VDAC1: variants seen among roughly 807,000 people sequenced by gnomAD.
VDAC1 encodes the protein non-selective voltage-gated ion channel VDAC1.
A neutral mutation model predicts 34.7 loss-of-function variants in VDAC1; 10 were observed. The ratio of observed to expected loss-of-function variants is 0.29; its 90% CI spans 0.18 to 0.49. The LOEUF (loss-of-function observed/expected upper bound fraction) is 0.49. Among genes scored for constraint, VDAC1 ranks in the 20% least tolerant of loss-of-function variants. The pLI, the probability that VDAC1 is intolerant of heterozygous loss-of-function variation, is 0.99. For missense variants in VDAC1, 230 were observed against 347.9 expected, an observed-to-expected ratio of 0.66 and a Z score of 2.69; for synonymous variants, 130 against 136.0, an observed-to-expected ratio of 0.96 and a Z score of 0.30.
intron 1 of VDAC1, among the ~76,000 whole-genome samples, chr5:133,995,701 G>T (rs1017738615): frequency 1.3e-5 from 2 of 152,116 alleles, no homozygotes; most frequent in Admixed American, 6.5e-5. Flanking sequence ...CAGCTCTGCC[G>T]CTCCGAGAAG....
intron 5 of VDAC1, among the ~76,000 whole-genome samples, chr5:133,982,779 A>G (rs34754823): frequency 0.087 from 13,066 of 150,018 alleles, 789 homozygotes; most frequent in South Asian, 0.21. Flanking sequence ...AATCTCATCT[A>G]CTTGGGAGGC....
chr5:133,994,414 C>T (rs1753217008), intron 1 of VDAC1, among the ~76,000 whole-genome samples: 1 of 152,306 alleles, frequency 6.6e-6, no homozygotes, highest in Middle Eastern at 3.4e-3. Flanking sequence ...ATTTTTGTCG[C>T]TGCTGTGTTA....
chr5:134,046,318 A>G, the VDAC1 span, among the ~76,000 whole-genome samples: 1 of 151,996 alleles, frequency 6.6e-6, no homozygotes, highest in Admixed American at 6.6e-5. Context: ...ATGAGCCACC[A>G]TGCCCAGCCT....
chr5:134,058,605 G>A, the VDAC1 span, among the ~76,000 whole-genome samples: 1 of 152,064 alleles, frequency 6.6e-6, no homozygotes, highest in African/African-American at 2.4e-5. Context: ...GTGAGCCACC[G>A]CACCCGGCCC....
chr5:133,980,790 C>T lies in VDAC1; in HGVS notation c.490G>A (p.Val164Met), dbSNP rs1420712597. Residue 164 changes from valine (V) to methionine (M), a missense_variant, in exon 6 of 9, where the codon GTG becomes ATG. By Grantham distance (21) the Val-to-Met change is conservative. Transcript: ENST00000265333. Reference protein sequence around the residue: ...QMNFETAKSRVTQSNFAVGYK... With the variant: ...QMNFETAKSRMTQSNFAVGYK... Reference sequence around the variant, plus strand: ...CCAACTGCAAAGTTGCTCTGGGTCACTCGGGATTTTGCAGTCTCAAAATTC... The same window carrying T: ...CCAACTGCAAAGTTGCTCTGGGTCATTCGGGATTTTGCAGTCTCAAAATTC... 6.3e-7 allele frequency: 1 copy of T among 1,589,276 alleles called. No homozygotes were observed.
chr5:134,014,699 C>G, the VDAC1 span, among the ~76,000 whole-genome samples: 2 of 152,094 alleles, frequency 1.3e-5, no homozygotes, highest in Non-Finnish European at 2.9e-5. Flanking sequence ...AACCCCGTCT[C>G]TACTAAAAAT....
chr5:133,999,175 G>C, intron 1 of VDAC1, among the ~76,000 whole-genome samples: 1 of 152,138 alleles, frequency 6.6e-6, no homozygotes. Flanking sequence ...GAAATAAATA[G>C]TAATAATAGA....
chr5:134,054,437 C>G, the VDAC1 span, among the ~76,000 whole-genome samples: 1 of 148,286 alleles, frequency 6.7e-6, no homozygotes, highest in African/African-American at 2.5e-5. Context: ...CTTTTATTTT[C>G]CTTTCTTTCT....
the VDAC1 span, among the ~76,000 whole-genome samples, chr5:134,053,335 C>T: frequency 6.6e-6 from 1 of 152,198 alleles, no homozygotes; most frequent in African/African-American, 2.4e-5. Context: ...CTGAAAAGCC[C>T]TCCATTCTAC....
At chr5:134,037,369 T>C in the VDAC1 span, among the ~76,000 whole-genome samples, 15 of 152,316 alleles carry the variant, frequency 9.8e-5, no homozygotes, top group East Asian at 1.9e-4. Flanking sequence ...CTGCAGGCCA[T>C]CAATTTGCTA....
the VDAC1 span, among the ~76,000 whole-genome samples, chr5:134,082,854 C>T: frequency 6.6e-6 from 1 of 152,098 alleles, no homozygotes; most frequent in African/African-American, 2.4e-5. Flanking sequence ...TGCTTGTCAG[C>T]CATTCCTATA....
At chr5:134,033,154 ATTT>A in the VDAC1 span, among the ~76,000 whole-genome samples, 22,939 of 125,078 alleles carry the variant, frequency 0.18, 2,068 homozygotes, top group East Asian at 0.42. Flanking sequence ...GTAGAAACTA[ATTT>A]TTTTTTTTTT....
At chr5:134,012,761 CA>C in the VDAC1 span, among the ~76,000 whole-genome samples, 2 of 151,334 alleles carry the variant, frequency 1.3e-5, no homozygotes, top group South Asian at 2.1e-4. Flanking sequence ...TTATATTAAA[CA>C]AAAAAAAGAG....
the VDAC1 span, among the ~76,000 whole-genome samples, chr5:134,010,329 G>A: frequency 4.0e-4 from 61 of 152,192 alleles, 2 homozygotes; most frequent in Middle Eastern, 0.02. Context: ...CGGGCGTGGT[G>A]GCTCACACCT....
the VDAC1 span, among the ~76,000 whole-genome samples, chr5:134,064,819 G>A: frequency 6.6e-6 from 1 of 151,488 alleles, no homozygotes; most frequent in Non-Finnish European, 1.5e-5. Context: ...CTGGGCTCAA[G>A]TGATCCTCCC....
At chr5:134,052,107 C>T in the VDAC1 span, among the ~76,000 whole-genome samples, 2 of 152,156 alleles carry the variant, frequency 1.3e-5, no homozygotes, top group Non-Finnish European at 2.9e-5. Context: ...CGCCCTCCCT[C>T]CACCAGCGGG....
At chr5:134,072,674 C>G in the VDAC1 span, among the ~76,000 whole-genome samples, 2 of 152,172 alleles carry the variant, frequency 1.3e-5, no homozygotes, top group Non-Finnish European at 2.9e-5. Flanking sequence ...TCCAAGCCAC[C>G]AAGTAAGCCC....
the VDAC1 span, among the ~76,000 whole-genome samples, chr5:134,109,803 G>T: frequency 6.8e-6 from 1 of 147,174 alleles, no homozygotes; most frequent in Non-Finnish European, 1.5e-5. Context: ...GAACTTAGAG[G>T]CATCTGCAGC....
the VDAC1 span, among the ~76,000 whole-genome samples, chr5:134,105,934 T>C: frequency 6.6e-6 from 1 of 152,246 alleles, no homozygotes; most frequent in Admixed American, 6.5e-5. Context: ...AGCAAATTAG[T>C]CAGAGGAATC....
Sources: allele counts gnomAD v4.1 joint callset (sites outside exome capture counted in the v4.1 genomes callset), GRCh38; gene constraint gnomAD v4.1.1; transcripts MANE v1.5; gene names NCBI Gene and HGNC (gene_info 2026-07-23, HGNC 2026-07-21).